FOXO1: variants seen among roughly 807,000 people sequenced by gnomAD.
FOXO1 encodes the protein forkhead box protein O1.
Under a neutral mutation model 44.1 loss-of-function variants are expected in FOXO1, and 6 were observed. The ratio of observed to expected loss-of-function variants is 0.14; its 90% CI spans 0.07 to 0.27. The LOEUF is 0.27. FOXO1 is among the 10% of genes least tolerant of loss of function. FOXO1 has a pLI of 1.00. For missense variants in FOXO1, 737 were observed against 888.8 expected, an observed-to-expected ratio of 0.83 and a Z score of 2.17; for synonymous variants, 380 against 362.7, an observed-to-expected ratio of 1.05 and a Z score of -0.54.
chr13:40,645,439 G>A (rs529459278), intron 1 of FOXO1, among the ~76,000 whole-genome samples: 1 of 152,250 alleles, frequency 6.6e-6, no homozygotes, highest in South Asian at 2.1e-4. Context: ...CAGGCCTTAA[G>A]GTGACTTGCA....
At position 40,598,231 on chromosome 13, in the gene FOXO1, A is replaced by G. The variant is rs139632463; in HGVS notation, c.631-37371T>C. Among the ~76,000 whole-genome samples the G allele has an allele frequency of 6.5e-3, 985 of 152,312 alleles. 9 individuals carry two copies. The highest frequency in any genetic ancestry group is 0.023 in the African/African-American group (939 of 41,566). On this transcript the variant is annotated intron_variant, in intron 1 of 2. Coordinates refer to ENST00000379561, the MANE Select transcript of FOXO1 (RefSeq NM_002015.4). ...CGGCGAAACTGGCTCTTCAGGTGGA[A>G]TATGGCACAGGGTAGCAACTTTGTC...
At chr13:40,565,729 T>C (rs1415180460) in intron 1 of FOXO1, among the ~76,000 whole-genome samples, 1 of 152,212 alleles carries the variant, frequency 6.6e-6, no homozygotes, top group Non-Finnish European at 1.5e-5. Flanking sequence ...TGAGATAGTA[T>C]GCGTGGAAAG....
intron 1 of FOXO1, among the ~76,000 whole-genome samples, chr13:40,563,776 T>G (rs538901035): frequency 6.6e-6 from 1 of 152,286 alleles, no homozygotes; most frequent in African/African-American, 2.4e-5. Context: ...CACACATGTA[T>G]GCTCACAGAG....
At chr13:40,564,996 T>TCGGGGAACCCCGACATGGTG (rs1593380051) in intron 1 of FOXO1, among the ~76,000 whole-genome samples, 1 of 152,258 alleles carries the variant, frequency 6.6e-6, no homozygotes, top group Admixed American at 6.5e-5. Flanking sequence ...CATGGTGTAC[T>TCGGGGAACCCCGACATGGTG]TGCTTGTTCA....
intron 1 of FOXO1, chr13:40,620,481 A>T: frequency 1.7e-6 from 1 of 575,750 alleles, no homozygotes; most frequent in Non-Finnish European, 3.2e-6. Context: ...AAGGCAGATT[A>T]TGACTGGGTC....
At chr13:40,586,343 A>T (rs1406721434) in intron 1 of FOXO1, among the ~76,000 whole-genome samples, 1 of 152,168 alleles carries the variant, frequency 6.6e-6, no homozygotes, top group African/African-American at 2.4e-5. Flanking sequence ...GAAACATACT[A>T]CTTCCTACAG....
chr13:40,638,478 C>G (rs898069150), intron 1 of FOXO1, among the ~76,000 whole-genome samples: 1 of 151,920 alleles, frequency 6.6e-6, no homozygotes, highest in East Asian at 1.9e-4. Context: ...TTTCCTGGGA[C>G]CAGAAAGGAA....
At chr13:40,631,050 T>C (rs1357601362) in intron 1 of FOXO1, among the ~76,000 whole-genome samples, 2 of 152,108 alleles carry the variant, frequency 1.3e-5, no homozygotes, top group Non-Finnish European at 2.9e-5. Context: ...TTATGACCAA[T>C]GAGGAAAAAT....
chr13:40,560,284 G>C lies in FOXO1; in HGVS notation c.1207C>G (p.Pro403Ala). The change falls in exon 2 of 3, where the codon CCG becomes GCG. Residue 403 changes from proline to alanine, a missense_variant. Transcript: ENST00000379561. This position sits in a 1 kb window ranked among gnomAD's most constrained non-coding sequence, Gnocchi z 5.1. Reference sequence around the variant, plus strand: ...TTTGGTGGCGCAAACGAGTAGCACGGCGTCTGCTGCATCATGGTGCCAGGT... The same window carrying C: ...TTTGGTGGCGCAAACGAGTAGCACGCCGTCTGCTGCATCATGGTGCCAGGT... ...SSPGTMMQQT[P>A]CYSFAPPNTS... 2.5e-6 allele frequency: 4 copies of C among 1,614,200 alleles called. No homozygotes were observed. Among genetic ancestry groups the C allele is most frequent in the Non-Finnish European group, 3.4e-6 (4 of 1,180,040 alleles).
intron 1 of FOXO1, among the ~76,000 whole-genome samples, chr13:40,621,651 A>C (rs1341499092): frequency 2.0e-5 from 3 of 152,196 alleles, no homozygotes; most frequent in Admixed American, 6.5e-5. Context: ...TGCACAATTC[A>C]ATAGGTTAAA....
chr13:40,651,871 G>A (rs1306432039), intron 1 of FOXO1, among the ~76,000 whole-genome samples: 1 of 152,126 alleles, frequency 6.6e-6, no homozygotes, highest in East Asian at 1.9e-4. Context: ...GTATGTAAAT[G>A]TCATAATGGG....
chr13:40,574,533 A>G (rs1481104974), intron 1 of FOXO1, among the ~76,000 whole-genome samples: 4 of 152,250 alleles, frequency 2.6e-5, no homozygotes, highest in Non-Finnish European at 5.9e-5. Context: ...AACAAAATGC[A>G]AGGTTTTTAT....
chr13:40,653,038 C>T (rs1201983117), intron 1 of FOXO1, among the ~76,000 whole-genome samples: 3 of 152,026 alleles, frequency 2.0e-5, no homozygotes, highest in Non-Finnish European at 4.4e-5. Context: ...GGCACAATCT[C>T]GGCTCACTGT....
chr13:40,586,299 T>G (rs1398189202), intron 1 of FOXO1, among the ~76,000 whole-genome samples: 1 of 152,212 alleles, frequency 6.6e-6, no homozygotes, highest in Non-Finnish European at 1.5e-5. Context: ...TGCATCAAGA[T>G]GGGAAGAAAC....
At chr13:40,587,757 T>C (rs1875223803) in intron 1 of FOXO1, among the ~76,000 whole-genome samples, 2 of 152,188 alleles carry the variant, frequency 1.3e-5, no homozygotes, top group African/African-American at 2.4e-5. Flanking sequence ...GAAAGCCAAA[T>C]GAAACGGAAG....
chr13:40,575,309 C>G (rs1441290637), intron 1 of FOXO1, among the ~76,000 whole-genome samples: 3 of 152,144 alleles, frequency 2.0e-5, no homozygotes, highest in African/African-American at 7.2e-5. Flanking sequence ...ACAATGCACT[C>G]TAGCCTGGGT....
intron 1 of FOXO1, among the ~76,000 whole-genome samples, chr13:40,640,076 G>A (rs189897321): frequency 5.3e-5 from 8 of 152,242 alleles, no homozygotes; most frequent in Admixed American, 3.9e-4. Context: ...TGCCCCCACA[G>A]GGCCATAGAT....
rs2137951330 is a variant in FOXO1 at position 40,666,283 on chromosome 13, G to A, written c.-71C>T. The A allele has an allele frequency of 2.4e-6, 3 of 1,262,962 alleles. No individual in the cohort carries two copies. Among genetic ancestry groups the A allele is most frequent in the East Asian group, 3.2e-5 (1 of 31,724 alleles). The allele number at this position is 1,262,962 out of a possible 1,614,324, so 78.2% of individuals were successfully genotyped here. A position where few individuals can be genotyped will look rare whatever the true frequency, so the allele number is the denominator to read the frequency against. ...AGAACGCAGCACTGGGGGCGGACGG[G>A]GAGGGGGCGCGAAGGGACGGTCCGA... On this transcript the variant is annotated 5_prime_UTR_variant, in exon 1 of 3. Transcript: ENST00000379561.
At position 40,665,964 on chromosome 13, in the gene FOXO1, G is replaced by A. The variant is rs1159058187; in HGVS notation, c.249C>T (p.Phe83=). 7 of 1,230,682 alleles carry A rather than the reference G, an allele frequency of 5.7e-6. No homozygotes were observed. The highest frequency in any genetic ancestry group is 7.1e-6 in the Non-Finnish European group (7 of 989,744). 76.2% of individuals were successfully genotyped at this position (1,230,682 alleles called of 1,614,324 possible). A position where few individuals can be genotyped will look rare whatever the true frequency, so the allele number is the denominator to read the frequency against. The change falls in exon 1 of 3, where the codon TTC becomes TTT. Residue 83 remains phenylalanine (F), a synonymous_variant. Transcript: ENST00000379561. ...NLSLLEESED[F]PQAPGSVAAA... is the part of the protein sequence containing the mutation. ...CCGCCACGGAGCCGGGCGCCTGCGGGAAGTCCTCGCTCTCCTCCAGCAAGC... is the reference window on the plus strand; with the variant it reads ...CCGCCACGGAGCCGGGCGCCTGCGGAAAGTCCTCGCTCTCCTCCAGCAAGC...
Sources: gnomAD v4.1 joint callset for allele counts (sites outside exome capture counted in the v4.1 genomes callset) on GRCh38, gnomAD v4.1.1 for gene constraint, Gnocchi (gnomAD v3.1) non-coding constraint, MANE v1.5 for transcripts, NCBI Gene and HGNC (gene_info 2026-07-23, HGNC 2026-07-21) for gene names.